DHX57: variants seen among roughly 807,000 people sequenced by gnomAD.
The protein encoded by DHX57 is DExH-box helicase 57.
In DHX57, 105 loss-of-function variants were observed where a neutral mutation model predicts 156.2. That is an observed-to-expected ratio of 0.67 (90% CI 0.57 to 0.79). The LOEUF is 0.79. Among genes scored for constraint, DHX57 ranks in the 30% least tolerant of loss-of-function variants. The pLI, the probability that DHX57 is intolerant of heterozygous loss-of-function variation, is 0.00. For synonymous variants in DHX57, 704 were observed against 595.6 expected (o/e 1.18, Z -2.65); for missense variants, 1,847 against 1,661.9 (o/e 1.11, Z -1.94).
chr2:38,817,771 C>A (rs1436714770), intron 19 of DHX57, among the ~76,000 whole-genome samples: 1 of 152,140 alleles, frequency 6.6e-6, no homozygotes, highest in Non-Finnish European at 1.5e-5. Context: ...ATTCATGGCT[C>A]ACTGCAGTCT....
chr2:38,806,138 T>C (rs1048495316), intron 22 of DHX57, among the ~76,000 whole-genome samples: 1 of 152,206 alleles, frequency 6.6e-6, no homozygotes, highest in Admixed American at 6.5e-5. Flanking sequence ...ACACTGGCTT[T>C]GACAACTAAG....
chr2:38,819,638 G>T (rs1212899079), intron 17 of DHX57, among the ~76,000 whole-genome samples: 1 of 152,200 alleles, frequency 6.6e-6, no homozygotes, highest in Admixed American at 6.5e-5. Context: ...GCTCTGTCAA[G>T]TCTGCCTGCC....
At position 38,859,710 on chromosome 2, in the gene DHX57, G is replaced by A. The variant is rs530936760; in HGVS notation, c.1412-874C>T. On this transcript the variant is annotated intron_variant, in intron 5 of 23. Transcript: ENST00000457308. ...TGACCAGCAGCCACATCTCAGAACA[G>A]TGTCACTGTTCTCTACTCATTGAAG... 7.9e-5 allele frequency among the ~76,000 whole-genome samples: 12 copies of A among 152,144 alleles called. No individual in the cohort carries two copies. In the East Asian group the frequency reaches 2.1e-3, roughly 27 times the overall value.
At chr2:38,813,662 G>A (rs1241935605) in intron 21 of DHX57, among the ~76,000 whole-genome samples, 159 bp downstream of exon 21, 4 of 152,018 alleles carry the variant, frequency 2.6e-5, no homozygotes, top group South Asian at 4.1e-4. Context: ...GTGAGCCACC[G>A]CACCCGGCCG....
chr2:38,828,941 T>C (rs1448924429), intron 13 of DHX57, among the ~76,000 whole-genome samples: 1 of 152,128 alleles, frequency 6.6e-6, no homozygotes, highest in African/African-American at 2.4e-5. Flanking sequence ...TCTTTTTTTA[T>C]TTTAATTTTT....
At chr2:38,818,810 A>C in intron 19 of DHX57, 67 bp downstream of exon 19, 1 of 1,546,968 alleles carries the variant, frequency 6.5e-7, no homozygotes, top group Non-Finnish European at 8.9e-7. Context: ...CATGAGACAA[A>C]GTCGCAGCAC....
chr2:38,855,285 A>C, intron 7 of DHX57, 33 bp from the exon 8 acceptor site: 3 of 1,604,098 alleles, frequency 1.9e-6, no homozygotes, highest in Non-Finnish European at 2.6e-6. Context: ...CCTAAAATGA[A>C]GTTTTCAAGG....
chr2:38,836,935 T>C (rs566051718), intron 13 of DHX57, among the ~76,000 whole-genome samples: 64 of 152,198 alleles, frequency 4.2e-4, no homozygotes, highest in African/African-American at 1.5e-3. Flanking sequence ...TCATGGCAGC[T>C]TCCACCTCTC....
chr2:38,863,535 G>C lies in DHX57; in HGVS notation c.225-16C>G. 6.2e-7 allele frequency: 1 copy of C among 1,604,814 alleles called. No individual in the cohort carries two copies. The highest frequency in any genetic ancestry group is 8.5e-7 in the Non-Finnish European group (1 of 1,177,418). ...GTTGCTAGGTCTATAGAGAACAAAA[G>C]AGCAAAATTACACACATATCTTCAA... On this transcript the variant is annotated splice_polypyrimidine_tract_variant and intron_variant, in intron 2 of 23. Transcript: ENST00000457308.
At chr2:38,801,270 T>C (rs1009726525) in intron 23 of DHX57, among the ~76,000 whole-genome samples, 8 of 152,224 alleles carry the variant, frequency 5.3e-5, no homozygotes, top group Non-Finnish European at 8.8e-5. Flanking sequence ...GGACAGAGTC[T>C]CACTCTGTCA....
chr2:38,866,386 A>G (rs1297746521), intron 2 of DHX57, among the ~76,000 whole-genome samples: 4 of 152,196 alleles, frequency 2.6e-5, no homozygotes. Context: ...TCTGCCTTGA[A>G]TGCTGTACTC....
At chr2:38,817,939 C>G (rs1485800296) in intron 19 of DHX57, among the ~76,000 whole-genome samples, 1 of 151,986 alleles carries the variant, frequency 6.6e-6, no homozygotes, top group Non-Finnish European at 1.5e-5. Context: ...CTCAAGCAAT[C>G]GTCAGCCTCT....
rs138902985 is a variant in DHX57 at position 38,818,929 on chromosome 2, C to A, written c.3419G>T (p.Arg1140Leu). ...TTGTCTGCAGTAATTATAACTTGCA[C>A]GCACGCCTTCTTTTGTACTTAGCTG... ...GWQLSTKEGV[R>L]ASYNYCRQNF... The change falls in exon 19 of 24, where the codon CGT becomes CTT. Residue 1140 changes from arginine to leucine, a missense_variant. Transcript: ENST00000457308. The A allele has an allele frequency of 1.2e-6, 2 of 1,614,094 alleles. No homozygotes were observed. The highest frequency in any genetic ancestry group is 1.7e-5 in the Admixed American group (1 of 59,994).
Position 38,802,377 on chromosome 2 carries a change from C to A in DHX57, c.4017+338G>T, listed in dbSNP as rs555062673. On this transcript the variant is annotated intron_variant, in intron 23 of 23. Coordinates refer to ENST00000457308, the MANE Select transcript of DHX57 (RefSeq NM_198963.3). ...ATCTCGGCTCACTGCAACCTCTGCCCCCTAGGTTCAAGCGATTCTCATGTC... is the reference window on the plus strand; with the variant it reads ...ATCTCGGCTCACTGCAACCTCTGCCACCTAGGTTCAAGCGATTCTCATGTC... Among the ~76,000 whole-genome samples, 165 of 151,962 alleles carry A rather than the reference C, an allele frequency of 1.1e-3. 5 individuals are homozygous for A. The South Asian group carries it at 0.034, about 31-fold the overall frequency.
chr2:38,841,481 T>C (rs555633089), intron 12 of DHX57, among the ~76,000 whole-genome samples: 11 of 152,352 alleles, frequency 7.2e-5, no homozygotes, highest in African/African-American at 2.6e-4. Flanking sequence ...GAGCTATGCT[T>C]ATCTTCCTAA....
At chr2:38,840,853 G>A (rs1671955887) in intron 12 of DHX57, among the ~76,000 whole-genome samples, 1 of 152,088 alleles carries the variant, frequency 6.6e-6, no homozygotes, top group African/African-American at 2.4e-5. Context: ...ACAAGGTCTT[G>A]CTCTGTTGGG....
intron 13 of DHX57, among the ~76,000 whole-genome samples, chr2:38,834,842 A>T (rs753152437): frequency 6.6e-5 from 10 of 152,266 alleles, no homozygotes; most frequent in Non-Finnish European, 1.5e-4. Flanking sequence ...CACTGCAGCT[A>T]TGCCAGCAGG....
chr2:38,849,818 C>T (rs1672489310), intron 9 of DHX57, among the ~76,000 whole-genome samples: 1 of 152,186 alleles, frequency 6.6e-6, no homozygotes, highest in African/African-American at 2.4e-5. Context: ...AGCTCCCTCA[C>T]TTCCTTCAAG....
intron 9 of DHX57, chr2:38,853,405 G>A (rs943335532): frequency 6.6e-6 from 1 of 152,160 alleles, no homozygotes; most frequent in African/African-American, 2.4e-5. Context: ...TTATGGGTGT[G>A]AGCCATTGCG....
Sources: gnomAD v4.1 joint callset for allele counts (sites outside exome capture counted in the v4.1 genomes callset) on GRCh38, gnomAD v4.1.1 for gene constraint, MANE v1.5 for transcripts, NCBI Gene and HGNC (gene_info 2026-07-23, HGNC 2026-07-21) for gene names.